NAALADL2: variants seen among roughly 807,000 people sequenced by gnomAD.
The protein encoded by NAALADL2 is N-acetylated alpha-linked acidic dipeptidase like 2, also known as inactive N-acetylated-alpha-linked acidic dipeptidase-like protein 2.
In NAALADL2, 76 loss-of-function variants were observed where a neutral mutation model predicts 87.2. The ratio of observed to expected loss-of-function variants is 0.87; its 90% CI spans 0.72 to 1.05. The LOEUF (loss-of-function observed/expected upper bound fraction) is 1.05. NAALADL2 is among the 50% of genes least tolerant of loss of function. NAALADL2 has a pLI of 0.00. For synonymous variants in NAALADL2, 354 were observed against 331.0 expected (o/e 1.07, Z -0.75); for missense variants, 1,089 against 945.8 (o/e 1.15, Z -1.99).
intron 4 of NAALADL2, among the ~76,000 whole-genome samples, chr3:175,265,121 G>A (rs937704000): frequency 6.6e-6 from 1 of 151,552 alleles, no homozygotes; most frequent in African/African-American, 2.4e-5. Context: ...TATTTTCCTA[G>A]TGGTTACTAT....
intron 1 of NAALADL2, among the ~76,000 whole-genome samples, chr3:174,456,411 CAA>C (rs59833697): frequency 3.9e-3 from 222 of 56,346 alleles, no homozygotes; most frequent in African/African-American, 0.011. Context: ...CAATCCTAAG[CAA>C]AAAAAAAAAA....
chr3:175,461,444 G>A (rs1723116241), intron 6 of NAALADL2, among the ~76,000 whole-genome samples: 1 of 152,098 alleles, frequency 6.6e-6, no homozygotes, highest in Non-Finnish European at 1.5e-5. Flanking sequence ...ACTTGACCCA[G>A]GAATTCCAGC....
At chr3:175,786,496 T>A (rs1751982838) in intron 13 of NAALADL2, among the ~76,000 whole-genome samples, 1 of 152,174 alleles carries the variant, frequency 6.6e-6, no homozygotes, top group South Asian at 2.1e-4. Flanking sequence ...TCGCATCAGC[T>A]CCTGAGGCTT....
At chr3:175,492,775 A>G (rs1728285371) in intron 9 of NAALADL2, among the ~76,000 whole-genome samples, 1 of 152,092 alleles carries the variant, frequency 6.6e-6, no homozygotes, top group Admixed American at 6.6e-5. Flanking sequence ...ATATTATTCC[A>G]CTAATTTTAA....
At chr3:175,740,515 A>AGATT (rs1381846574) in intron 12 of NAALADL2, among the ~76,000 whole-genome samples, 2 of 152,212 alleles carry the variant, frequency 1.3e-5, no homozygotes, top group African/African-American at 2.4e-5. Context: ...TTAAAGGAAC[A>AGATT]GATTGATAAC....
chr3:175,580,965 A>G (rs74781007), intron 10 of NAALADL2, among the ~76,000 whole-genome samples: 19,307 of 152,058 alleles, frequency 0.13, 1,385 homozygotes, highest in Middle Eastern at 0.17. Context: ...CATAATATTT[A>G]TTTTAAAATT....
chr3:175,471,182 A>G (rs1271355360), intron 8 of NAALADL2, among the ~76,000 whole-genome samples: 1 of 152,062 alleles, frequency 6.6e-6, no homozygotes, highest in East Asian at 1.9e-4. Context: ...GTATAGGATC[A>G]CTTTTTTAAG....
chr3:174,673,639 G>A (rs1354184847), intron 2 of NAALADL2, among the ~76,000 whole-genome samples: 1 of 144,586 alleles, frequency 6.9e-6, no homozygotes, highest in Non-Finnish European at 1.5e-5. Flanking sequence ...CCAAAGGCTG[G>A]GAAGGGGGTG....
intron 11 of NAALADL2, among the ~76,000 whole-genome samples, chr3:175,643,159 G>A (rs935260903): frequency 6.6e-6 from 1 of 152,062 alleles, no homozygotes; most frequent in Non-Finnish European, 1.5e-5. Flanking sequence ...ATGAAGAGGG[G>A]ACTGATCTCC....
intron 2 of NAALADL2, among the ~76,000 whole-genome samples, chr3:175,179,465 C>T (rs929594003): frequency 5.3e-5 from 8 of 151,914 alleles, no homozygotes; most frequent in African/African-American, 1.9e-4. Flanking sequence ...TCTCATTTCA[C>T]ATCAATGAGG....
chr3:175,157,509 G>T (rs1467214494), intron 2 of NAALADL2, among the ~76,000 whole-genome samples: 1 of 152,020 alleles, frequency 6.6e-6, no homozygotes, highest in Non-Finnish European at 1.5e-5. Context: ...TGATTTTGTT[G>T]TGTATATCTG....
chr3:174,639,014 C>G (rs1722920252), intron 2 of NAALADL2, among the ~76,000 whole-genome samples: 1 of 152,078 alleles, frequency 6.6e-6, no homozygotes, highest in African/African-American at 2.4e-5. Flanking sequence ...TTTAATGGCC[C>G]TGGGTTGCTC....
At chr3:174,560,889 A>C (rs889149996) in intron 2 of NAALADL2, among the ~76,000 whole-genome samples, 2 of 152,294 alleles carry the variant, frequency 1.3e-5, no homozygotes, top group Admixed American at 6.5e-5. Context: ...CTGAGATAAA[A>C]GCTCTCAAAC....
At chr3:175,276,917 A>G (rs949628523) in intron 4 of NAALADL2, among the ~76,000 whole-genome samples, 4 of 152,094 alleles carry the variant, frequency 2.6e-5, no homozygotes, top group Non-Finnish European at 5.9e-5. Flanking sequence ...AGGCACAAAA[A>G]TATGCTAACT....
intron 9 of NAALADL2, among the ~76,000 whole-genome samples, chr3:175,520,235 C>G (rs1323892176): frequency 6.7e-6 from 1 of 148,760 alleles, no homozygotes; most frequent in Admixed American, 6.7e-5. Context: ...TTTCACTATT[C>G]TTATTATACC....
At chr3:174,767,915 G>A (rs1714053605) in intron 3 of NAALADL2, among the ~76,000 whole-genome samples, 1 of 152,214 alleles carries the variant, frequency 6.6e-6, no homozygotes, top group African/African-American at 2.4e-5. Flanking sequence ...GTTCAAAACT[G>A]AGAGGTTTGT....
At chr3:174,611,967 A>G (rs1719943598) in intron 2 of NAALADL2, among the ~76,000 whole-genome samples, 1 of 150,158 alleles carries the variant, frequency 6.7e-6, no homozygotes, top group Non-Finnish European at 1.5e-5. Context: ...ATTTTTTTGT[A>G]GGACAGATCT....
At chr3:175,299,666 G>T (rs1319881593) in intron 4 of NAALADL2, among the ~76,000 whole-genome samples, 2 of 152,180 alleles carry the variant, frequency 1.3e-5, no homozygotes, top group African/African-American at 2.4e-5. Context: ...CTTTAGTGAA[G>T]TTGCTTATCA....
intron 10 of NAALADL2, among the ~76,000 whole-genome samples, chr3:175,611,406 C>T (rs1333726808): frequency 6.6e-6 from 1 of 151,550 alleles, no homozygotes; most frequent in Non-Finnish European, 1.5e-5. Flanking sequence ...TATTTTTTTT[C>T]CAACTTGAAA....
Sources: allele counts gnomAD v4.1 joint callset (sites outside exome capture counted in the v4.1 genomes callset), GRCh38; gene constraint gnomAD v4.1.1; transcripts MANE v1.5; gene names NCBI Gene and HGNC (gene_info 2026-07-23, HGNC 2026-07-21).